The following SURF4 variants were observed in gnomAD, a reference collection of about 807,000 sequenced individuals.
SURF4 encodes surfeit locus protein 4.
SURF4 carries 3 observed loss-of-function variants against 30.0 expected under a neutral mutation model. That is an observed-to-expected ratio of 0.10 (90% CI 0.05 to 0.26). The LOEUF (loss-of-function observed/expected upper bound fraction) is 0.26. Among genes scored for constraint, SURF4 ranks in the 10% least tolerant of loss-of-function variants. The probability of loss-of-function intolerance (pLI) is 1.00; values close to 1 mark genes in which losing one functional copy is unlikely to be tolerated. For missense variants in SURF4, 217 were observed against 350.8 expected (o/e 0.62, Z 3.05); for synonymous variants, 143 against 139.9 (o/e 1.02, Z -0.16).
intron 1 of SURF4, among the ~76,000 whole-genome samples, chr9:133,374,379 C>G (rs1358251439): frequency 6.6e-6 from 1 of 151,508 alleles, no homozygotes; most frequent in Non-Finnish European, 1.5e-5. Flanking sequence ...ATGGAGAAAC[C>G]CTGTTTCTAC....
intron 4 of SURF4, 37 bp from the exon 5 acceptor site, chr9:133,365,063 A>C (rs2130113457): frequency 6.7e-7 from 1 of 1,484,708 alleles, no homozygotes; most frequent in Non-Finnish European, 9.0e-7. Context: ...GCTAAGCCTC[A>C]CCAGGATCTG....
At chr9:133,373,518 G>A (rs1463518136) in intron 1 of SURF4, among the ~76,000 whole-genome samples, 1 of 152,066 alleles carries the variant, frequency 6.6e-6, no homozygotes, top group African/African-American at 2.4e-5. Flanking sequence ...CAGGAGAATA[G>A]CTTGAACCCG....
intron 3 of SURF4, 62 bp from the exon 4 acceptor site, chr9:133,366,090 T>G (rs893229636): frequency 6.6e-7 from 1 of 1,511,964 alleles, no homozygotes; most frequent in Non-Finnish European, 9.2e-7. Context: ...TTCCACAGAC[T>G]TCATAATACA....
upstream of SURF4, chr9:133,376,286 C>T (rs971055178): frequency 7.6e-7 from 1 of 1,320,568 alleles, no homozygotes; most frequent in Non-Finnish European, 9.6e-7. Flanking sequence ...CCCTGCGGTC[C>T]CTCCCGGCCC....
At chr9:133,376,561 G>C (rs142661250), upstream of SURF4, 5 of 1,592,456 alleles carry the variant, frequency 3.1e-6, no homozygotes, top group Non-Finnish European at 4.3e-6. Flanking sequence ...GAAGTACCAG[G>C]TGCCGAGTGT....
chr9:133,366,566 G>A (rs2130127460), intron 3 of SURF4, 33 bp downstream of exon 3: 2 of 1,611,452 alleles, frequency 1.2e-6, no homozygotes, highest in Middle Eastern at 1.7e-4. Context: ...CCAGAGCAAA[G>A]AGAAGGGAGC....
chr9:133,372,246 G>C (rs1837550309), intron 1 of SURF4, among the ~76,000 whole-genome samples: 3 of 152,244 alleles, frequency 2.0e-5, no homozygotes, highest in African/African-American at 7.2e-5. Flanking sequence ...CAGAGGCAGA[G>C]AGACAAGAGA....
rs1836963717 is a variant in SURF4, at chr9:133,363,538, C to G, written c.765G>C (p.Leu255=). 6.2e-7 allele frequency: 1 copy of G among 1,614,086 alleles called. No individual in the cohort carries two copies. Among genetic ancestry groups the G allele is most frequent in the African/African-American group, 1.3e-5 (1 of 74,918 alleles). ...VIGGLLLVVA[L]GPGGVSMDEK... ...CATCCATGGAGACACCCCCAGGGCC[C>G]AGGGCCACCACCAGGAGCAAGCCCC... The change falls in exon 6 of 6, where the codon CTG becomes CTC. Residue 255 remains leucine, a synonymous_variant. Coordinates refer to ENST00000371989, the MANE Select transcript of SURF4 (RefSeq NM_033161.4). The surrounding 1 kb of genome is among the most constrained non-coding windows in gnomAD (Gnocchi z 4.3).
intron 1 of SURF4, among the ~76,000 whole-genome samples, chr9:133,371,960 T>C (rs1015906810): frequency 6.6e-6 from 1 of 152,256 alleles, no homozygotes; most frequent in Admixed American, 6.5e-5. Context: ...ACCTTGGTGA[T>C]GAGCCACCAG....
At chr9:133,364,685 C>T (rs1419881217) in intron 5 of SURF4, among the ~76,000 whole-genome samples, 155 bp downstream of exon 5, 8 of 140,748 alleles carry the variant, frequency 5.7e-5, no homozygotes, top group Admixed American at 3.0e-4. Flanking sequence ...AGCGAGACTC[C>T]GTCTCAAAAA....
rs1588702909 is a variant in SURF4, at chr9:133,362,645, G to C, written c.*848C>G. On this transcript the variant is annotated 3_prime_UTR_variant, in exon 6 of 6. Coordinates refer to ENST00000371989, the MANE Select transcript of SURF4 (RefSeq NM_033161.4). ...ACACCCCCTGCCCACAGCGGCTGCGGCTCTGCAAGCTGGTCTGAGCAGCTG... is the reference window on the plus strand; with the variant it reads ...ACACCCCCTGCCCACAGCGGCTGCGCCTCTGCAAGCTGGTCTGAGCAGCTG... 6.5e-6 allele frequency: 1 copy of C among 152,844 alleles called. No homozygotes were observed. Among genetic ancestry groups the C allele is most frequent in the African/African-American group, 2.4e-5 (1 of 41,454 alleles). The allele number at this position is 152,844 out of a possible 1,614,324, so 9.5% of individuals were successfully genotyped here.
Position 133,363,670 on chromosome 9 carries a change from C to A in SURF4, c.633G>T (p.Trp211Cys). ...TGAAATATACGTTGATGGCAAAGAGCCACACAACAAGAGTCAAAGCAGCCA... is the reference window on the plus strand; with the variant it reads ...TGAAATATACGTTGATGGCAAAGAGACACACAACAAGAGTCAAAGCAGCCA... ...TKLAALTLVV[W>C]LFAINVYFNA... The change falls in exon 6 of 6, where the codon TGG becomes TGT. Residue 211 changes from tryptophan (W) to cysteine (C), a missense_variant. Physicochemically the swap from Trp to Cys is radical, Grantham distance 215. Transcript: ENST00000371989. The surrounding 1 kb of genome is among the most constrained non-coding windows in gnomAD (Gnocchi z 4.3). The A allele has an allele frequency of 6.2e-7, 1 of 1,614,194 alleles. No individual in the cohort carries two copies. The highest frequency in any genetic ancestry group is 1.1e-5 in the South Asian group (1 of 91,090).
intron 1 of SURF4, among the ~76,000 whole-genome samples, chr9:133,369,202 C>T (rs2130167322): frequency 2.0e-5 from 3 of 152,160 alleles, no homozygotes; most frequent in Non-Finnish European, 4.4e-5. Flanking sequence ...AAACCCACTG[C>T]GCCCTGCAGT....
intron 1 of SURF4, among the ~76,000 whole-genome samples, chr9:133,369,423 G>A (rs2130169538): frequency 3.3e-5 from 5 of 152,192 alleles, no homozygotes; most frequent in African/African-American, 1.2e-4. Flanking sequence ...TTTTGAGAGT[G>A]TCTCTACTAT....
At chr9:133,368,484 T>C (rs2130159479) in intron 1 of SURF4, among the ~76,000 whole-genome samples, 4 of 152,356 alleles carry the variant, frequency 2.6e-5, no homozygotes, top group Admixed American at 2.0e-4. Context: ...CAGCGCAGCA[T>C]GAAGCTGGTA....
At chr9:133,370,277 T>C (rs1194035119) in intron 1 of SURF4, among the ~76,000 whole-genome samples, 1 of 152,170 alleles carries the variant, frequency 6.6e-6, no homozygotes, top group Admixed American at 6.5e-5. Context: ...AATTCACACC[T>C]CCTTCCCTGC....
chr9:133,361,787 A>G lies in SURF4; in HGVS notation c.*1706T>C, dbSNP rs2119104216. The G allele has an allele frequency of 6.6e-6, 1 of 152,392 alleles. No homozygotes were observed. The highest frequency in any genetic ancestry group is 1.9e-4 in the East Asian group (1 of 5,168). 9.4% of individuals were successfully genotyped at this position (152,392 alleles called of 1,614,324 possible). A position where few individuals can be genotyped will look rare whatever the true frequency, so the allele number is the denominator to read the frequency against. On this transcript the variant is annotated 3_prime_UTR_variant, in exon 6 of 6. Coordinates refer to ENST00000371989, the MANE Select transcript of SURF4 (RefSeq NM_033161.4). ...CTTTGGTCCACCCTACTTTCCACCAATCAGCCAACCAACCTTGACCACAGA... is the reference window on the plus strand; with the variant it reads ...CTTTGGTCCACCCTACTTTCCACCAGTCAGCCAACCAACCTTGACCACAGA...
In SURF4 at chr9:133,363,871, G is replaced by A. The variant is rs2130095213; in HGVS notation, c.544-112C>T. The A allele has an allele frequency of 7.3e-7, 1 of 1,367,758 alleles. No homozygotes were observed. The highest frequency in any genetic ancestry group is 1.9e-5 in the Admixed American group (1 of 53,490). The allele number at this position is 1,367,758 out of a possible 1,614,324, so 84.7% of individuals were successfully genotyped here. On this transcript the variant is annotated intron_variant, in intron 5 of 5. Coordinates refer to ENST00000371989, the MANE Select transcript of SURF4 (RefSeq NM_033161.4). The surrounding 1 kb of genome is among the most constrained non-coding windows in gnomAD (Gnocchi z 4.3). ...TGAAGTCTCTATCCATCAGGCTGAT[G>A]TAGCTACTGCTGAGACGGCTGCTGG...
At chr9:133,366,795 G>T in intron 2 of SURF4, 120 bp from the exon 3 acceptor site, 1 of 785,218 alleles carries the variant, frequency 1.3e-6, no homozygotes, top group Non-Finnish European at 2.1e-6. Context: ...ACCTACCCAA[G>T]CAAAAGACAA....
Sources: allele counts gnomAD v4.1 joint callset (sites outside exome capture counted in the v4.1 genomes callset), GRCh38; gene constraint gnomAD v4.1.1; non-coding constraint Gnocchi (gnomAD v3.1); transcripts MANE v1.5; gene names NCBI Gene and HGNC (gene_info 2026-07-23, HGNC 2026-07-21).